The following ATP8B4 variants were observed in gnomAD, a reference collection of about 807,000 sequenced individuals.
ATP8B4 encodes the protein probable phospholipid-transporting ATPase IM.
ATP8B4 carries 133 observed loss-of-function variants against 145.6 expected under a neutral mutation model. The observed-to-expected ratio is 0.91, with a 90% CI of 0.79 to 1.05. The LOEUF (loss-of-function observed/expected upper bound fraction) is 1.05, where lower values mean the gene tolerates loss of function less well. ATP8B4 is among the 50% of genes least tolerant of loss of function. The pLI is 0.00. For synonymous variants in ATP8B4, 507 were observed against 492.9 expected (o/e 1.03, Z -0.38); for missense variants, 1,458 against 1,425.2 (o/e 1.02, Z -0.37).
At chr15:50,168,721 T>A (rs2044628757) in intron 1 of ATP8B4, among the ~76,000 whole-genome samples, 1 of 152,160 alleles carries the variant, frequency 6.6e-6, no homozygotes, top group Non-Finnish European at 1.5e-5. Context: ...GCATGTAGAC[T>A]TCACAGGTCA....
At chr15:49,956,118 A>G (rs1482173077) in intron 14 of ATP8B4, among the ~76,000 whole-genome samples, 1 of 152,226 alleles carries the variant, frequency 6.6e-6, no homozygotes, top group Non-Finnish European at 1.5e-5. Context: ...TGGAATGTAC[A>G]ATATATACTT....
chr15:49,900,967 A>G (rs2037958509), intron 21 of ATP8B4, 125 bp downstream of exon 21: 3 of 1,234,134 alleles, frequency 2.4e-6, no homozygotes, highest in South Asian at 1.7e-5. Flanking sequence ...AAATCATCGC[A>G]TATGCCCTGT....
At chr15:49,912,723 A>G (rs1480455153) in intron 20 of ATP8B4, among the ~76,000 whole-genome samples, 1 of 152,204 alleles carries the variant, frequency 6.6e-6, no homozygotes, top group Non-Finnish European at 1.5e-5. Flanking sequence ...ACAAAAAAAG[A>G]AAACTACAGA....
intron 9 of ATP8B4, among the ~76,000 whole-genome samples, chr15:49,992,948 T>C (rs773339419): frequency 2.0e-5 from 3 of 152,108 alleles, no homozygotes; most frequent in Non-Finnish European, 4.4e-5. Context: ...ATGCAATATC[T>C]AGTTTTGATT....
chr15:49,922,350 CTT>C lies in ATP8B4; in HGVS notation c.1758+1027_1758+1028del, dbSNP rs1007915201. 17 of 430,564 alleles carry C rather than the reference CTT, an allele frequency of 3.9e-5. No homozygotes were observed. The Admixed American group carries it at 4.6e-4, about 12-fold the overall frequency. The allele number at this position is 430,564 out of a possible 1,614,324, so 26.7% of individuals were successfully genotyped here. ...TTGAGTAACGGCAATAAGTCAGACA[CTT>C]ATGATTCCAGTGTTGTGTTCATTAA... On this transcript the variant is annotated intron_variant, in intron 17 of 27. Transcript: ENST00000284509.
At chr15:49,999,327 T>C (rs907876193) in intron 8 of ATP8B4, among the ~76,000 whole-genome samples, 2 of 133,976 alleles carry the variant, frequency 1.5e-5, no homozygotes, top group Non-Finnish European at 1.5e-5. Flanking sequence ...AGGTGGGAAC[T>C]GAACAATGAG....
At chr15:49,920,757 G>A (rs1030254049) in intron 17 of ATP8B4, among the ~76,000 whole-genome samples, 1 of 152,164 alleles carries the variant, frequency 6.6e-6, no homozygotes, top group Non-Finnish European at 1.5e-5. Flanking sequence ...TGTCCTTGAC[G>A]GAAGGAAGCA....
intron 1 of ATP8B4, among the ~76,000 whole-genome samples, chr15:50,142,064 G>A (rs2044220439): frequency 6.6e-6 from 1 of 151,536 alleles, no homozygotes; most frequent in Admixed American, 6.6e-5. Flanking sequence ...TGGACAGAAT[G>A]TACAAAGGCA....
intron 6 of ATP8B4, among the ~76,000 whole-genome samples, chr15:50,025,906 G>A (rs1213910118): frequency 6.6e-6 from 1 of 152,168 alleles, no homozygotes; most frequent in African/African-American, 2.4e-5. Context: ...TGATATAATA[G>A]AGTGCTATTA....
At chr15:49,918,975 T>G (rs1414796814) in intron 18 of ATP8B4, 25 bp from the exon 19 acceptor site, 1 of 1,512,714 alleles carries the variant, frequency 6.6e-7, no homozygotes, top group South Asian at 1.1e-5. Flanking sequence ...AGAGAAAAGT[T>G]TATGTTAATG....
chr15:50,178,997 G>T (rs1419769065), intron 1 of ATP8B4, among the ~76,000 whole-genome samples: 4 of 152,156 alleles, frequency 2.6e-5, no homozygotes, highest in Non-Finnish European at 5.9e-5. Flanking sequence ...TGCCCTAAAG[G>T]AGAGTTGAGA....
At chr15:50,067,549 G>C (rs1282110273) in intron 3 of ATP8B4, among the ~76,000 whole-genome samples, 2 of 152,076 alleles carry the variant, frequency 1.3e-5, no homozygotes, top group African/African-American at 4.8e-5. Context: ...CCTTTCCCTA[G>C]CATTTACAGG....
intron 14 of ATP8B4, among the ~76,000 whole-genome samples, chr15:49,957,261 C>T (rs2043653526): frequency 6.6e-6 from 1 of 151,822 alleles, no homozygotes; most frequent in Admixed American, 6.6e-5. Context: ...TCAATGCTGC[C>T]TTAAGAAAAA....
intron 25 of ATP8B4, among the ~76,000 whole-genome samples, chr15:49,867,071 C>T (rs766054671): frequency 3.9e-5 from 6 of 152,142 alleles, no homozygotes; most frequent in African/African-American, 1.2e-4. Flanking sequence ...AGCATGGTCA[C>T]GAGCTCTTCT....
intron 7 of ATP8B4, among the ~76,000 whole-genome samples, chr15:50,008,500 TAATTA>T (rs1411059694): frequency 6.6e-6 from 1 of 152,132 alleles, no homozygotes. Context: ...AAATCTAAAT[TAATTA>T]AAATTCAAAA....
chr15:49,973,398 T>G (rs1217501862), intron 12 of ATP8B4, among the ~76,000 whole-genome samples: 1 of 152,156 alleles, frequency 6.6e-6, no homozygotes, highest in Non-Finnish European at 1.5e-5. Flanking sequence ...AAACTAATGA[T>G]TATTGAAGAT....
chr15:50,096,219 G>GA (rs1249468262), intron 2 of ATP8B4, among the ~76,000 whole-genome samples: 1 of 152,150 alleles, frequency 6.6e-6, no homozygotes, highest in Non-Finnish European at 1.5e-5. Context: ...TGAGGGTCAT[G>GA]AAATCCAAGA....
rs749318606 is a variant in ATP8B4 at position 49,860,360 on chromosome 15, T to C, written c.3413A>G (p.Tyr1138Cys). ...SGYAFAHQEG[Y>C]GELITSGKNM... Reference sequence around the variant, plus strand: ...TTTTCCAGATGTGATAAGCTCTCCATAGCCTTCTTGGTGAGCAAAAGCATA... The same window carrying C: ...TTTTCCAGATGTGATAAGCTCTCCACAGCCTTCTTGGTGAGCAAAAGCATA... Residue 1138 changes from tyrosine (Y) to cysteine (C), a missense_variant, in exon 28 of 28, where the codon TAT becomes TGT. By Grantham distance (194) the Tyr-to-Cys change is radical (BLOSUM62 -2). Transcript: ENST00000284509. 1 of 1,614,174 alleles carries C rather than the reference T, an allele frequency of 6.2e-7. No homozygotes were observed. Among genetic ancestry groups the C allele is most frequent in the Admixed American group, 1.7e-5 (1 of 60,020 alleles).
rs114457386 is a variant in ATP8B4, at chr15:49,860,397, T to C, written c.3376A>G (p.Arg1126Gly). Residue 1126 changes from arginine to glycine, a missense_variant, in exon 28 of 28, where the codon AGA (arginine) becomes GGA (glycine). Transcript: ENST00000284509. ...TGAGCAAAAGCATATCCAGACCTTCTTGAGCTTGACCTGCGGGTCCGAGGC... is the reference window on the plus strand; with the variant it reads ...TGAGCAAAAGCATATCCAGACCTTCCTGAGCTTGACCTGCGGGTCCGAGGC... ...RRPRTRRSSS[R>G]RSGYAFAHQE... The C allele has an allele frequency of 3.0e-5, 48 of 1,614,136 alleles. No homozygotes were observed. The highest frequency in any genetic ancestry group is 4.0e-5 in the African/African-American group (3 of 75,050).
Sources: allele counts gnomAD v4.1 joint callset (sites outside exome capture counted in the v4.1 genomes callset), GRCh38; gene constraint gnomAD v4.1.1; transcripts MANE v1.5; gene names NCBI Gene and HGNC (gene_info 2026-07-23, HGNC 2026-07-21).